The following SCAI variants were observed in gnomAD, a reference collection of about 807,000 sequenced individuals.
The protein encoded by SCAI is suppressor of cancer cell invasion, also known as protein SCAI.
In SCAI, 24 loss-of-function variants were observed where a neutral mutation model predicts 92.2. The ratio of observed to expected loss-of-function variants is 0.26; its 90% CI spans 0.19 to 0.37. The LOEUF is 0.37. Ranked by LOEUF, SCAI falls within the 10% of genes least tolerant of loss-of-function variation. The probability of loss-of-function intolerance (pLI) is 1.00; values close to 1 mark genes in which losing one functional copy is unlikely to be tolerated. For missense variants in SCAI, 450 were observed against 736.2 expected (o/e 0.61, Z 4.50); for synonymous variants, 261 against 258.6 (o/e 1.01, Z -0.09).
At chr9:125,126,035 G>C (rs1835265061) in intron 2 of SCAI, among the ~76,000 whole-genome samples, 1 of 152,062 alleles carries the variant, frequency 6.6e-6, no homozygotes, top group Non-Finnish European at 1.5e-5. Context: ...AATGAAGCCA[G>C]TGCTGGAAGA....
chr9:125,020,854 T>G (rs1363583950), intron 6 of SCAI, 85 bp from the exon 7 acceptor site: 3 of 597,864 alleles, frequency 5.0e-6, no homozygotes, highest in Non-Finnish European at 5.8e-6. Flanking sequence ...CTTTTAAAAC[T>G]CTTTCCCTCC....
At chr9:125,115,232 C>T (rs774255372) in intron 2 of SCAI, among the ~76,000 whole-genome samples, 1 of 151,804 alleles carries the variant, frequency 6.6e-6, no homozygotes, top group Non-Finnish European at 1.5e-5. Context: ...ATTAGCCGGG[C>T]GTGGTGGTGG....
intron 2 of SCAI, among the ~76,000 whole-genome samples, chr9:125,111,248 G>GA (rs1230918228): frequency 4.6e-5 from 7 of 151,038 alleles, no homozygotes; most frequent in Non-Finnish European, 1.0e-4. Flanking sequence ...ACATTAGAAG[G>GA]AAAAAAAGAG....
chr9:124,948,416 GATAA>G lies in SCAI; in HGVS notation c.*4387_*4390del, dbSNP rs1176065393. ...AGAATACATCCTGGCTAGAATAAAA[GATAA>G]AATGTCAGATTTGTGGATTTTTACA... On this transcript the variant is annotated 3_prime_UTR_variant, in exon 18 of 18. Transcript: ENST00000336505. 4 of 152,206 alleles carry G rather than the reference GATAA, an allele frequency of 2.6e-5. No homozygotes were observed. The highest frequency in any genetic ancestry group is 9.7e-5 in the African/African-American group (4 of 41,448). The allele number at this position is 152,206 out of a possible 1,614,324, so 9.4% of individuals were successfully genotyped here.
At chr9:124,996,459 G>A (rs1052430619) in intron 13 of SCAI, among the ~76,000 whole-genome samples, 37 of 150,078 alleles carry the variant, frequency 2.5e-4, no homozygotes, top group African/African-American at 8.3e-4. Context: ...GCACCTCAAC[G>A]CCTGGCTCAT....
rs374808936 is a variant in SCAI, at chr9:125,119,644, C to A, written c.98+22989G>T. ...CAAAATGGAATGCTAATCCAGTTAT[C>A]CCCTGCTACATAACTTAGTGGCTTA... On this transcript the variant is annotated intron_variant, in intron 2 of 17. Transcript: ENST00000336505. 4.6e-5 allele frequency among the ~76,000 whole-genome samples: 7 copies of A among 152,286 alleles called. No individual in the cohort carries two copies. The South Asian group carries it at 1.2e-3, about 27-fold the overall frequency.
In SCAI at chr9:125,142,622, C is replaced by A. The variant is rs1835694012; in HGVS notation, c.98+11G>T. On this transcript the variant is annotated intron_variant, in intron 2 of 17. Transcript: ENST00000336505. Reference sequence around the variant, plus strand: ...AAAAACATGAAGCAAAATAGGAAGGCACTGCCTTACCTGCTTCTCCGTTTT... The same window carrying A: ...AAAAACATGAAGCAAAATAGGAAGGAACTGCCTTACCTGCTTCTCCGTTTT... The A allele has an allele frequency of 1.9e-6, 3 of 1,611,848 alleles. No individual in the cohort carries two copies. The highest frequency in any genetic ancestry group is 1.7e-4 in the Middle Eastern group (1 of 6,060).
In SCAI at chr9:124,952,689, G is replaced by T; in HGVS notation, c.*118C>A. On this transcript the variant is annotated 3_prime_UTR_variant, in exon 18 of 18. Transcript: ENST00000336505. ...TTTTTTGTTTGTTTTTAAAATGGTG[G>T]CCCTAAATTAAAAAATAAAAACTAA... 1 of 684,220 alleles carries T rather than the reference G, an allele frequency of 1.5e-6. No homozygotes were observed. The highest frequency in any genetic ancestry group is 2.3e-6 in the Non-Finnish European group (1 of 441,064). The allele number at this position is 684,220 out of a possible 1,614,324, so 42.4% of individuals were successfully genotyped here.
At chr9:125,138,227 T>C (rs1298292649) in intron 2 of SCAI, among the ~76,000 whole-genome samples, 1 of 151,540 alleles carries the variant, frequency 6.6e-6, no homozygotes, top group Non-Finnish European at 1.5e-5. Flanking sequence ...CTTACAACCT[T>C]GGGGAAGTCG....
intron 5 of SCAI, 121 bp from the exon 6 acceptor site, chr9:125,027,031 T>C (rs890316637): frequency 4.3e-6 from 2 of 470,494 alleles, no homozygotes; most frequent in Non-Finnish European, 7.5e-6. Flanking sequence ...GGAATGACTG[T>C]CCTAAATTTG....
Position 125,040,736 on chromosome 9 carries a change from C to T in SCAI, c.231-10997G>A, listed in dbSNP as rs113765323. On this transcript the variant is annotated intron_variant, in intron 3 of 17. Coordinates refer to ENST00000336505, the MANE Select transcript of SCAI (RefSeq NM_001144877.3). ...CTGCCTCCTGGGTTCAAGCGTTCTCCTGACTCAGCCTCCTGAGTAGATGGG... is the reference window on the plus strand; with the variant it reads ...CTGCCTCCTGGGTTCAAGCGTTCTCTTGACTCAGCCTCCTGAGTAGATGGG... 3.9e-3 allele frequency among the ~76,000 whole-genome samples: 595 copies of T among 152,186 alleles called. 4 individuals carry two copies. The highest frequency in any genetic ancestry group is 6.5e-3 in the Non-Finnish European group (444 of 68,008).
intron 2 of SCAI, among the ~76,000 whole-genome samples, chr9:125,119,617 G>A (rs897477855): frequency 2.1e-4 from 32 of 152,020 alleles, no homozygotes; most frequent in Admixed American, 1.2e-3. Context: ...TCTAAACTCC[G>A]GCAAAATGGA....
At chr9:125,015,685 T>C (rs1049941953) in intron 9 of SCAI, among the ~76,000 whole-genome samples, 9 of 152,142 alleles carry the variant, frequency 5.9e-5, no homozygotes, top group Non-Finnish European at 1.2e-4. Flanking sequence ...ACTGGGTATA[T>C]ACCCAATGGA....
Position 125,002,488 on chromosome 9 carries a change from G to GTTTTTTT in SCAI, c.1066-452_1066-446dup, listed in dbSNP as rs58586769. Among the ~76,000 whole-genome samples the GTTTTTTT allele has an allele frequency of 9.2e-4, 115 of 125,098 alleles. 6 individuals carry two copies. The highest frequency in any genetic ancestry group is 1.5e-3 in the African/African-American group (48 of 31,674). 82.1% of individuals were successfully genotyped at this position (125,098 alleles called of 152,430 possible). On this transcript the variant is annotated intron_variant, in intron 11 of 17. Transcript: ENST00000336505. ...ACACTCTGCTTTTGTTTTTTAGTCT[G>GTTTTTTT]TTTTTTTTTTTGAAACAGAGTTTCA... is the stretch of plus-strand genomic sequence containing the variant.
chr9:125,081,043 G>C (rs781149990), intron 2 of SCAI, among the ~76,000 whole-genome samples: 1 of 152,180 alleles, frequency 6.6e-6, no homozygotes, highest in Non-Finnish European at 1.5e-5. Flanking sequence ...CTTGCCTTCT[G>C]TCATGATTGT....
chr9:125,093,565 TCC>T (rs1350763394), intron 2 of SCAI, among the ~76,000 whole-genome samples: 4 of 145,216 alleles, frequency 2.8e-5, no homozygotes, highest in Non-Finnish European at 4.5e-5. Flanking sequence ...TGATGACACC[TCC>T]TTTTTTTTTT....
intron 2 of SCAI, among the ~76,000 whole-genome samples, chr9:125,113,617 GT>G (rs1304407290): frequency 2.0e-5 from 3 of 151,014 alleles, no homozygotes; most frequent in Non-Finnish European, 4.4e-5. Flanking sequence ...AACACCTCTT[GT>G]GTTATATGAT....
chr9:125,050,448 G>A (rs1833537932), intron 3 of SCAI, among the ~76,000 whole-genome samples: 1 of 152,174 alleles, frequency 6.6e-6, no homozygotes, highest in Non-Finnish European at 1.5e-5. Context: ...GGAGAGTAGT[G>A]TAGACAAGAA....
chr9:124,960,522 C>T (rs1831416534), intron 17 of SCAI, among the ~76,000 whole-genome samples: 1 of 152,204 alleles, frequency 6.6e-6, no homozygotes, highest in South Asian at 2.1e-4. Flanking sequence ...TCTGAAACAA[C>T]TGGAATGAAT....
Sources: gnomAD v4.1 joint callset for allele counts (sites outside exome capture counted in the v4.1 genomes callset) on GRCh38, gnomAD v4.1.1 for gene constraint, MANE v1.5 for transcripts, NCBI Gene and HGNC (gene_info 2026-07-23, HGNC 2026-07-21) for gene names.